The following PDZD2 variants were observed in gnomAD, a reference collection of about 807,000 sequenced individuals.
PDZD2 encodes PDZ domain-containing protein 2.
A neutral mutation model predicts 220.7 loss-of-function variants in PDZD2; 90 were observed. The observed-to-expected ratio is 0.41, with a 90% CI of 0.34 to 0.49. The LOEUF (loss-of-function observed/expected upper bound fraction) is 0.49, where lower values mean the gene tolerates loss of function less well. PDZD2 is among the 20% of genes least tolerant of loss of function. The pLI, the probability that PDZD2 is intolerant of heterozygous loss-of-function variation, is 0.28. For synonymous variants in PDZD2, 1,375 were observed against 1,450.5 expected, an observed-to-expected ratio of 0.95 and a Z score of 1.18; for missense variants, 3,174 against 3,608.5, an observed-to-expected ratio of 0.88 and a Z score of 3.08.
chr5:32,028,154 G>A (rs1269435866), intron 6 of PDZD2, among the ~76,000 whole-genome samples: 1 of 152,176 alleles, frequency 6.6e-6, no homozygotes, highest in Non-Finnish European at 1.5e-5. Flanking sequence ...GAAACAGCTG[G>A]AGATAAAAGC....
chr5:32,093,058 T>C (rs745348291), intron 21 of PDZD2, 34 bp downstream of exon 21: 3 of 1,156,478 alleles, frequency 2.6e-6, no homozygotes, highest in Admixed American at 1.7e-5. Flanking sequence ...GGAACATGAA[T>C]TGCGGCCGCG....
At chr5:31,866,647 A>G (rs1738259720) in intron 2 of PDZD2, among the ~76,000 whole-genome samples, 1 of 152,178 alleles carries the variant, frequency 6.6e-6, no homozygotes, top group Non-Finnish European at 1.5e-5. Context: ...AGCTGACCTC[A>G]TGTTGGCCAT....
At chr5:31,715,435 C>A (rs253933) in intron 1 of PDZD2, among the ~76,000 whole-genome samples, 125,743 of 152,198 alleles carry the variant, frequency 0.83, 52,305 homozygotes, top group East Asian at 0.94. Flanking sequence ...GTGCACATCC[C>A]GGAACCAAAT....
chr5:31,806,489 G>A (rs2150237291), intron 2 of PDZD2, among the ~76,000 whole-genome samples: 1 of 152,232 alleles, frequency 6.6e-6, no homozygotes, highest in East Asian at 1.9e-4. Context: ...TCATTCTTTT[G>A]AGTGTTAGCA....
intron 1 of PDZD2, among the ~76,000 whole-genome samples, chr5:31,667,714 A>G (rs1746048525): frequency 6.6e-6 from 1 of 152,010 alleles, no homozygotes. Flanking sequence ...CTGCCCCTCA[A>G]CAGCTCACTC....
At chr5:31,956,359 A>G (rs1747684892) in intron 2 of PDZD2, among the ~76,000 whole-genome samples, 1 of 147,554 alleles carries the variant, frequency 6.8e-6, no homozygotes, top group African/African-American at 2.5e-5. Context: ...TTTTGAAAAG[A>G]TAAAGTTTAG....
chr5:31,817,140 C>G (rs1446015569), intron 2 of PDZD2, among the ~76,000 whole-genome samples: 1 of 148,328 alleles, frequency 6.7e-6, no homozygotes, highest in African/African-American at 2.5e-5. Context: ...GAGCCGAGAT[C>G]GCGCCACTGC....
chr5:31,968,362 A>C (rs562202293), intron 2 of PDZD2, among the ~76,000 whole-genome samples: 1 of 152,240 alleles, frequency 6.6e-6, no homozygotes, highest in East Asian at 1.9e-4. Flanking sequence ...TGTCTCAAAA[A>C]CAAAAAACAA....
intron 2 of PDZD2, among the ~76,000 whole-genome samples, chr5:31,868,402 G>A (rs956797166): frequency 1.2e-4 from 19 of 152,114 alleles, no homozygotes; most frequent in African/African-American, 2.2e-4. Context: ...CCAAGATCGC[G>A]CCACCTGCAC....
intron 2 of PDZD2, among the ~76,000 whole-genome samples, chr5:31,868,864 C>T (rs781424974): frequency 2.3e-4 from 35 of 152,128 alleles, no homozygotes; most frequent in Non-Finnish European, 3.1e-4. Flanking sequence ...CACCGCCTCC[C>T]GGGTTCAAGC....
At chr5:32,094,833 G>T (rs571982761) in intron 21 of PDZD2, among the ~76,000 whole-genome samples, 172 of 152,256 alleles carry the variant, frequency 1.1e-3, no homozygotes, top group African/African-American at 4.0e-3. Flanking sequence ...AGCTATGATC[G>T]TGCCAGCGCA....
At position 31,810,362 on chromosome 5, in the gene PDZD2, A is replaced by G. The variant is rs542509374; in HGVS notation, c.476+10638A>G. Among the ~76,000 whole-genome samples, 15 of 147,464 alleles carry G rather than the reference A, an allele frequency of 1.0e-4. No homozygotes were observed. In the East Asian group the frequency reaches 2.8e-3, roughly 28 times the overall value. On this transcript the variant is annotated intron_variant, in intron 2 of 24. Transcript: ENST00000438447. The stretch of plus-strand genomic sequence containing the variant: ...ACTGCAACCTCCGCCTCCCGGGTTC[A>G]TGCAATTCTCCTGCCTCAGCCTCCC...
Position 31,645,615 on chromosome 5 carries a change from G to C in PDZD2, c.-361+6178G>C, listed in dbSNP as rs370250817. On this transcript the variant is annotated intron_variant, in intron 1 of 24. Transcript: ENST00000438447. ...CTCCCGAGGTGCTGAGATTACAGGC[G>C]TGAGCCGCTGTGCCCGGCTGGTCTC... 2.0e-5 allele frequency among the ~76,000 whole-genome samples: 3 copies of C among 152,280 alleles called. No homozygotes were observed. In the East Asian group the frequency reaches 5.8e-4, roughly 29 times the overall value.
intron 2 of PDZD2, among the ~76,000 whole-genome samples, chr5:31,816,487 A>T (rs561606630): frequency 1.3e-5 from 2 of 152,240 alleles, no homozygotes; most frequent in African/African-American, 4.8e-5. Flanking sequence ...TTTTCGAAAG[A>T]AAGTCATGCT....
At chr5:31,778,680 A>G (rs905756616) in intron 1 of PDZD2, among the ~76,000 whole-genome samples, 2 of 152,216 alleles carry the variant, frequency 1.3e-5, no homozygotes, top group South Asian at 2.1e-4. Flanking sequence ...GAACTTTAAC[A>G]CTCACCGGGA....
chr5:31,842,983 G>A (rs1757397575), intron 2 of PDZD2, among the ~76,000 whole-genome samples: 1 of 152,064 alleles, frequency 6.6e-6, no homozygotes, highest in South Asian at 2.1e-4. Flanking sequence ...CTGGGTTCAA[G>A]TGATTCTCCT....
chr5:31,896,321 CTCGTGTGTGTGTGTGTGTGTGTGTGT>C (rs1282403451), intron 2 of PDZD2, among the ~76,000 whole-genome samples: 44 of 133,650 alleles, frequency 3.3e-4, no homozygotes, highest in African/African-American at 1.2e-3. Context: ...ATTTGATACT[CTCGTGTGTGTGTGTGTGTGTGTGTGT>C]GTGTGTGTGT....
intron 16 of PDZD2, 146 bp from the exon 17 acceptor site, chr5:32,072,015 A>T: frequency 1.7e-6 from 1 of 587,758 alleles, no homozygotes; most frequent in Non-Finnish European, 3.0e-6. Flanking sequence ...GTTCTGAGGT[A>T]CATGGAGGTT....
At position 32,089,758 on chromosome 5, in the gene PDZD2, G is replaced by A. The variant is rs1230098285; in HGVS notation, c.6310G>A (p.Val2104Ile). Residue 2104 changes from valine (V) to isoleucine (I), a missense_variant, in exon 20 of 25, where the codon GTA becomes ATA. Val to Ile is a conservative substitution (Grantham distance 29). Transcript: ENST00000438447. ...TTCTGCTGAAGCAGTGTCAGAGACT[G>A]TATGTGGTAACAAGCCAGCTGAAAG... ...EISAEAVSETVCGNKPAESDR... is the reference protein window; with the variant it reads ...EISAEAVSETICGNKPAESDR... 31 of 1,614,080 alleles carry A rather than the reference G, an allele frequency of 1.9e-5. No homozygotes were observed. The East Asian group carries it at 6.2e-4, about 32-fold the overall frequency.
Sources: gnomAD v4.1 joint callset for allele counts (sites outside exome capture counted in the v4.1 genomes callset) on GRCh38, gnomAD v4.1.1 for gene constraint, MANE v1.5 for transcripts, NCBI Gene and HGNC (gene_info 2026-07-23, HGNC 2026-07-21) for gene names.